Variants in DNAH5 observed in about 807,000 individuals in gnomAD.
DNAH5 encodes axonemal beta dynein heavy chain 5.
DNAH5 carries 372 observed loss-of-function variants against 518.2 expected under a neutral mutation model. The observed-to-expected ratio is 0.72, with a 90% CI of 0.66 to 0.78. The LOEUF (loss-of-function observed/expected upper bound fraction) is 0.78, where lower values mean the gene tolerates loss of function less well. Ranked by LOEUF, DNAH5 falls within the 30% of genes least tolerant of loss-of-function variation. The probability of loss-of-function intolerance (pLI) is 0.00; values close to 1 mark genes in which losing one functional copy is unlikely to be tolerated. For synonymous variants in DNAH5, 2,039 were observed against 2,025.9 expected, an observed-to-expected ratio of 1.01 and a Z score of -0.17; for missense variants, 5,523 against 5,687.0, an observed-to-expected ratio of 0.97 and a Z score of 0.93.
chr5:13,850,891 C>CTAGCCT, intron 30 of DNAH5, 76 bp from the exon 31 acceptor site: 1 of 1,460,336 alleles, frequency 6.8e-7, no homozygotes, highest in Non-Finnish European at 9.6e-7. Flanking sequence ...TCACATTCCT[C>CTAGCCT]CAGCTGAGGC....
chr5:13,795,592 C>G (rs988829695), intron 47 of DNAH5, among the ~76,000 whole-genome samples: 2 of 152,160 alleles, frequency 1.3e-5, no homozygotes, highest in African/African-American at 4.8e-5. Flanking sequence ...CAGGACCAGA[C>G]GGATTCACAG....
At chr5:13,813,664 C>T (rs1761025995) in intron 43 of DNAH5, among the ~76,000 whole-genome samples, 1 of 152,106 alleles carries the variant, frequency 6.6e-6, no homozygotes, top group African/African-American at 2.4e-5. Flanking sequence ...TTTTTAGTGA[C>T]ACATTCAACT....
At position 13,988,521 on chromosome 5, in the gene DNAH5, G is replaced by T. The variant is rs1783226793; in HGVS notation, c.12+23127C>A. Among the ~76,000 whole-genome samples the T allele has an allele frequency of 2.0e-5, 3 of 151,834 alleles. No homozygotes were observed. In the South Asian group the frequency reaches 6.2e-4, roughly 32 times the overall value. ...CAACCTCTGCCTCCAGGGTTCAAGTGATTCTCCTGCCTCAGCCTCCAGAGT... is the reference window on the plus strand; with the variant it reads ...CAACCTCTGCCTCCAGGGTTCAAGTTATTCTCCTGCCTCAGCCTCCAGAGT... On this transcript the variant is annotated intron_variant, in intron 1 of 78. Transcript: ENST00000681290.
Position 13,865,665 on chromosome 5 carries a change from T to C in DNAH5, c.4355+3A>G. The C allele has an allele frequency of 6.6e-7, 1 of 1,525,886 alleles. No homozygotes were observed. The highest frequency in any genetic ancestry group is 9.1e-7 in the Non-Finnish European group (1 of 1,099,886). The allele number at this position is 1,525,886 out of a possible 1,614,324, so 94.5% of individuals were successfully genotyped here. On this transcript the variant is annotated splice_donor_region_variant and intron_variant, in intron 27 of 78. Coordinates refer to ENST00000265104, the MANE Select transcript of DNAH5 (RefSeq NM_001369.3). ...TGGGCATGCTAAACATTTAATTTCTTACCTGTTCTGGAATTCTAAGAGTTC... is the reference window on the plus strand; with the variant it reads ...TGGGCATGCTAAACATTTAATTTCTCACCTGTTCTGGAATTCTAAGAGTTC...
At chr5:13,779,296 C>T (rs764454952) in intron 53 of DNAH5, among the ~76,000 whole-genome samples, 1 of 152,196 alleles carries the variant, frequency 6.6e-6, no homozygotes, top group Non-Finnish European at 1.5e-5. Context: ...TGTCCCAGTA[C>T]TTGAATAAAA....
chr5:13,923,197 G>C, intron 4 of DNAH5, 83 bp downstream of exon 4: 1 of 1,545,028 alleles, frequency 6.5e-7, no homozygotes, highest in Non-Finnish European at 8.9e-7. Context: ...TGAATACAAT[G>C]ATTGTCTCCA....
rs983218404 is a variant in DNAH5 at position 13,777,439 on chromosome 5, A to T, written c.8952-84T>A. On this transcript the variant is annotated intron_variant, in intron 53 of 78. Coordinates refer to ENST00000265104, the MANE Select transcript of DNAH5 (RefSeq NM_001369.3). ...CTTGTAACAACGCATTATGCCATTTAGCTAACAAAAAAATGCTGATTTTGT... is the reference window on the plus strand; with the variant it reads ...CTTGTAACAACGCATTATGCCATTTTGCTAACAAAAAAATGCTGATTTTGT... The T allele has an allele frequency of 8.7e-6, 11 of 1,265,244 alleles. No homozygotes were observed. The South Asian group carries it at 1.4e-4, about 16-fold the overall frequency. 78.4% of individuals were successfully genotyped at this position (1,265,244 alleles called of 1,614,324 possible).
In DNAH5 at chr5:13,955,384, T is replaced by G. The variant is rs1264433969; in HGVS notation, c.13-24140A>C. On this transcript the variant is annotated intron_variant, in intron 1 of 78. Coordinates refer to the DNAH5 transcript ENST00000681290. ...TTACCCAGTCTCAGGTATGTCTTTA[T>G]AGCAATGTGAAAACAGACTAATACA... is the stretch of plus-strand genomic sequence containing the variant. Among the ~76,000 whole-genome samples, 3 of 152,294 alleles carry G rather than the reference T, an allele frequency of 2.0e-5. No homozygotes were observed. The East Asian group carries it at 5.8e-4, about 29-fold the overall frequency.
chr5:13,751,174 AGG>A lies in DNAH5; in HGVS notation c.11113_11114del (p.Pro3705Ter). 6.2e-7 allele frequency: 1 copy of A among 1,613,786 alleles called. No homozygotes were observed. The highest frequency in any genetic ancestry group is 8.5e-7 in the Non-Finnish European group (1 of 1,179,722). On this transcript the variant is annotated frameshift_variant, in exon 65 of 79. Coordinates refer to ENST00000265104, the MANE Select transcript of DNAH5 (RefSeq NM_001369.3). LOFTEE classifies it high-confidence loss of function. ...TTKLPNPAYT[P>X]EISARTSIID... ...TGATGGAGGTACGGGCACTTATCTC[AGG>A]GGTGTAGGCTGGGTTAGGCAATTTG...
At chr5:13,830,853 C>G in intron 35 of DNAH5, 78 bp from the exon 36 acceptor site, 3 of 1,432,162 alleles carry the variant, frequency 2.1e-6, no homozygotes, top group Non-Finnish European at 2.9e-6. Flanking sequence ...TGGCATGAAA[C>G]GCACACAAGA....
In DNAH5 at chr5:13,753,248, GCTTT is replaced by G. The variant is rs1353723750; in HGVS notation, c.10853_10856del (p.Glu3618AlafsTer10). On this transcript the variant is annotated frameshift_variant, in exon 63 of 79. Coordinates refer to ENST00000265104, the MANE Select transcript of DNAH5 (RefSeq NM_001369.3). LOFTEE classifies it high-confidence loss of function. The stretch of plus-strand genomic sequence containing the variant: ...CACAAATTACCTGGAGTTCATTTCG[GCTTT>G]CTTTATTTTTAATCCAGATCTTGCC... The G allele has an allele frequency of 1.9e-6, 3 of 1,613,434 alleles. No individual in the cohort carries two copies. Among genetic ancestry groups the G allele is most frequent in the Non-Finnish European group, 2.5e-6 (3 of 1,179,534 alleles).
At chr5:13,987,394 C>T (rs1040041682) in intron 1 of DNAH5, among the ~76,000 whole-genome samples, 1 of 151,964 alleles carries the variant, frequency 6.6e-6, no homozygotes, top group Non-Finnish European at 1.5e-5. Flanking sequence ...TTAACTGAAG[C>T]TGTAAAACAA....
At chr5:13,794,803 A>C (rs368560836) in intron 47 of DNAH5, among the ~76,000 whole-genome samples, 56 of 152,142 alleles carry the variant, frequency 3.7e-4, no homozygotes, top group African/African-American at 1.3e-3. Flanking sequence ...GTCTCTACTA[A>C]AAATACAAAA....
In DNAH5 at chr5:13,917,130, A is replaced by G. The variant is rs1776729613; in HGVS notation, c.1089+13T>C. Reference sequence around the variant, plus strand: ...TTATCTATAGACTGAAAGAGTAGAAATCCTTAACTCACGGGATCACTGCTG... The same window carrying G: ...TTATCTATAGACTGAAAGAGTAGAAGTCCTTAACTCACGGGATCACTGCTG... On this transcript the variant is annotated intron_variant, in intron 8 of 78. Coordinates refer to ENST00000265104, the MANE Select transcript of DNAH5 (RefSeq NM_001369.3). 6.3e-7 allele frequency: 1 copy of G among 1,593,986 alleles called. No homozygotes were observed. Among genetic ancestry groups the G allele is most frequent in the South Asian group, 1.1e-5 (1 of 90,680 alleles).
chr5:13,798,268 G>C (rs1205439587), intron 47 of DNAH5, among the ~76,000 whole-genome samples: 1 of 152,120 alleles, frequency 6.6e-6, no homozygotes, highest in Non-Finnish European at 1.5e-5. Context: ...AGGATCTGAG[G>C]AGAGGACTCC....
intron 1 of DNAH5, among the ~76,000 whole-genome samples, chr5:13,985,459 A>G (rs1405560720): frequency 8.7e-6 from 1 of 114,318 alleles, no homozygotes; most frequent in East Asian, 2.3e-4. Flanking sequence ...ATATATATAT[A>G]TATATATAAA....
At chr5:13,822,795 A>T (rs1195681508) in intron 40 of DNAH5, among the ~76,000 whole-genome samples, 1 of 152,026 alleles carries the variant, frequency 6.6e-6, no homozygotes, top group African/African-American at 2.4e-5. Context: ...CCCCCACCCT[A>T]CCCACCGTAT....
chr5:13,906,831 T>A (rs942561766), intron 12 of DNAH5, among the ~76,000 whole-genome samples: 1 of 152,118 alleles, frequency 6.6e-6, no homozygotes, highest in Non-Finnish European at 1.5e-5. Flanking sequence ...ATAGTGACCC[T>A]TCGTGGAAAA....
rs957073265 is a variant in DNAH5, at chr5:13,759,097, G to A, written c.10282-114C>T. The A allele has an allele frequency of 1.7e-4, 230 of 1,391,710 alleles. No homozygotes were observed. The Admixed American group carries it at 2.1e-3, about 13-fold the overall frequency. 86.2% of individuals were successfully genotyped at this position (1,391,710 alleles called of 1,614,324 possible). A position where few individuals can be genotyped will look rare whatever the true frequency, so the allele number is the denominator to read the frequency against. On this transcript the variant is annotated intron_variant, in intron 60 of 78. Transcript: ENST00000265104. ...ATGTTTATACCTTTGCTTTGTTCCCGCTCCAGAATCCTTTCAAATCACATT... is the reference window on the plus strand; with the variant it reads ...ATGTTTATACCTTTGCTTTGTTCCCACTCCAGAATCCTTTCAAATCACATT...
Sources: gnomAD v4.1 joint callset for allele counts (sites outside exome capture counted in the v4.1 genomes callset) on GRCh38, gnomAD v4.1.1 for gene constraint, MANE v1.5 for transcripts, NCBI Gene and HGNC (gene_info 2026-07-23, HGNC 2026-07-21) for gene names.